The following PVT1 variants were observed in gnomAD, a reference collection of about 807,000 sequenced individuals.
PVT1 encodes the protein CXCR4/PVT1 fusion.
chr8:127,897,221 G>A (rs551507973), intron 3 of PVT1, among the ~76,000 whole-genome samples: 5 of 152,248 alleles, frequency 3.3e-5, no homozygotes, highest in Non-Finnish European at 7.3e-5. Context: ...CTCTCACGCT[G>A]TGGTGCAGGA....
intron 3 of PVT1, chr8:127,947,661 T>G (rs1586449924): frequency 2.2e-6 from 1 of 453,538 alleles, no homozygotes; most frequent in Admixed American, 2.4e-5. Flanking sequence ...CTGGGGCAGG[T>G]TTTTGGACCT....
intron 3 of PVT1, among the ~76,000 whole-genome samples, chr8:127,910,644 C>T (rs1815882945): frequency 6.6e-6 from 1 of 152,092 alleles, no homozygotes; most frequent in African/African-American, 2.4e-5. Context: ...TTATCTAGTG[C>T]TTATTAACTT....
intron 3 of PVT1, among the ~76,000 whole-genome samples, chr8:127,966,626 C>T (rs76315124): frequency 1.3e-5 from 2 of 152,286 alleles, no homozygotes; most frequent in East Asian, 1.9e-4. Flanking sequence ...GGCTGTTGAA[C>T]ACTTGACCTG....
intron 3 of PVT1, chr8:127,947,655 G>T (rs1168319490): frequency 2.2e-6 from 1 of 453,622 alleles, no homozygotes; most frequent in Admixed American, 2.4e-5. Context: ...TGACACCTGG[G>T]GCAGGTTTTT....
intron 3 of PVT1, among the ~76,000 whole-genome samples, chr8:127,959,586 G>GAA (rs34255005): frequency 2.6e-4 from 20 of 76,476 alleles, no homozygotes; most frequent in African/African-American, 3.2e-4. Context: ...TCTGTCTCAG[G>GAA]AAAAAAAAAA....
intron 3 of PVT1, among the ~76,000 whole-genome samples, chr8:127,897,066 A>G (rs1000332411): frequency 3.3e-5 from 5 of 152,230 alleles, no homozygotes; most frequent in Middle Eastern, 3.4e-3. Context: ...AGCCTTGAGA[A>G]AACACTGGCC....
chr8:128,059,469 C>T (rs55976173), intron 4 of PVT1, among the ~76,000 whole-genome samples: 6,864 of 152,038 alleles, frequency 0.045, 235 homozygotes, highest in African/African-American at 0.094. Context: ...TGAAGCAAAT[C>T]GAGAGAAGAA....
intron 4 of PVT1, among the ~76,000 whole-genome samples, chr8:128,017,520 C>G (rs775408834): frequency 2.6e-5 from 4 of 152,052 alleles, no homozygotes; most frequent in Non-Finnish European, 5.9e-5. Flanking sequence ...CAGCCTCAAC[C>G]TCCTAGGTTC....
At chr8:128,051,569 C>T (rs946591405) in intron 4 of PVT1, among the ~76,000 whole-genome samples, 12 of 152,100 alleles carry the variant, frequency 7.9e-5, no homozygotes, top group African/African-American at 2.9e-4. Context: ...CTCTTGAGTT[C>T]CCATAATGTG....
In PVT1 at chr8:127,907,480, C is replaced by T. The variant is rs114701307; in HGVS notation, n.782+16482C>T. On this transcript the variant is annotated intron_variant and non_coding_transcript_variant, in intron 3 of 10. Coordinates refer to ENST00000651587, the Ensembl canonical transcript of PVT1. ...AGTGCCTGTTCTCCTGCAGGGTCTC[C>T]GGAAGTCATCAGCCGTGCTGGCCAG... 4.2e-3 allele frequency among the ~76,000 whole-genome samples: 641 copies of T among 152,294 alleles called. 4 individuals are homozygous for T. Among genetic ancestry groups the T allele is most frequent in the African/African-American group, 0.015 (617 of 41,568 alleles).
intron 2 of PVT1, among the ~76,000 whole-genome samples, chr8:127,853,859 T>A (rs890440): frequency 0.68 from 103,412 of 152,016 alleles, 36,363 homozygotes; most frequent in African/African-American, 0.85. Context: ...GCACGATGCT[T>A]TTTAAGTCTA....
chr8:127,943,903 T>C (rs1162451163), intron 3 of PVT1, among the ~76,000 whole-genome samples: 1 of 152,218 alleles, frequency 6.6e-6, no homozygotes, highest in African/African-American at 2.4e-5. Flanking sequence ...CTGTAGGATG[T>C]GGAGCATGTT....
chr8:127,893,633 A>T (rs996299546), intron 3 of PVT1, among the ~76,000 whole-genome samples: 1 of 152,108 alleles, frequency 6.6e-6, no homozygotes, highest in African/African-American at 2.4e-5. Context: ...GCCCTGTCTG[A>T]CTCCAAAGCC....
chr8:127,833,723 G>C (rs1814878739), intron 2 of PVT1, among the ~76,000 whole-genome samples: 1 of 152,148 alleles, frequency 6.6e-6, no homozygotes, highest in Non-Finnish European at 1.5e-5. Context: ...CAAAGTGCTG[G>C]GATTACAAGC....
At chr8:127,948,679 G>A (rs1295447640) in intron 3 of PVT1, 1 of 152,358 alleles carries the variant, frequency 6.6e-6, no homozygotes. Context: ...GATGACAAAG[G>A]AGGAGTGAAG....
intron 3 of PVT1, among the ~76,000 whole-genome samples, chr8:127,977,230 A>T (rs1043042268): frequency 1.3e-5 from 2 of 152,062 alleles, no homozygotes; most frequent in Non-Finnish European, 1.5e-5. Context: ...AAGGATGTGC[A>T]GTAGGTCTGG....
At chr8:127,952,020 T>C (rs1285332388) in intron 3 of PVT1, among the ~76,000 whole-genome samples, 1 of 152,108 alleles carries the variant, frequency 6.6e-6, no homozygotes, top group Non-Finnish European at 1.5e-5. Context: ...TTTACCACAT[T>C]GGCCAGGCTG....
At chr8:128,030,675 G>A (rs1421468272) in intron 4 of PVT1, among the ~76,000 whole-genome samples, 4 of 152,174 alleles carry the variant, frequency 2.6e-5, no homozygotes. Flanking sequence ...CTCACTTACT[G>A]TCATCTCCCC....
chr8:127,987,610 A>T (rs1456378649), intron 3 of PVT1, among the ~76,000 whole-genome samples: 1 of 152,202 alleles, frequency 6.6e-6, no homozygotes, highest in Non-Finnish European at 1.5e-5. Context: ...CTCACTTAAC[A>T]CCAGGAACAA....
Sources: gnomAD v4.1 joint callset for allele counts (sites outside exome capture counted in the v4.1 genomes callset) on GRCh38, gnomAD v4.1.1 for gene constraint, MANE v1.5 for transcripts, NCBI Gene and HGNC (gene_info 2026-07-23, HGNC 2026-07-21) for gene names.